The following ARHGEF12 variants were observed in gnomAD, a reference collection of about 807,000 sequenced individuals.
ARHGEF12 encodes Rho guanine nucleotide exchange factor 12.
A neutral mutation model predicts 211.2 loss-of-function variants in ARHGEF12; 66 were observed. The observed-to-expected ratio is 0.31, with a 90% CI of 0.26 to 0.38. The LOEUF is 0.38. Among genes scored for constraint, ARHGEF12 ranks in the 10% least tolerant of loss-of-function variants. The pLI is 1.00. For missense variants in ARHGEF12, 1,429 were observed against 1,869.5 expected (o/e 0.76, Z 4.34); for synonymous variants, 592 against 638.4 (o/e 0.93, Z 1.09).
At chr11:120,460,014 G>T (rs537318130) in intron 26 of ARHGEF12, among the ~76,000 whole-genome samples, 5 of 152,250 alleles carry the variant, frequency 3.3e-5, no homozygotes, top group African/African-American at 1.2e-4. Flanking sequence ...CCGGCCTCAG[G>T]AATTATTTTA....
intron 18 of ARHGEF12, 22 bp from the exon 19 acceptor site, chr11:120,447,852 A>T (rs566376): frequency 1.5e-5 from 23 of 1,500,550 alleles, no homozygotes; most frequent in East Asian, 2.4e-5. Flanking sequence ...TCATTTTTAA[A>T]TTTTTTTTTC....
rs1565417157 is a variant in ARHGEF12, at chr11:120,347,173, TTCCTTC to T, written c.32+9899_32+9904del. ...CTTCCTTCCTTCCTTCCTTCCTTCC[TTCCTTC>T]CTTCCTTTCTTTCTTTCTTTCTTTC... is the stretch of plus-strand genomic sequence containing the variant. On this transcript the variant is annotated intron_variant, in intron 1 of 40. Coordinates refer to ENST00000397843, the MANE Select transcript of ARHGEF12 (RefSeq NM_015313.3). Among the ~76,000 whole-genome samples the T allele has an allele frequency of 1.3e-3, 121 of 89,788 alleles. 4 individuals carry two copies. Among genetic ancestry groups the T allele is most frequent in the African/African-American group, 4.7e-3 (82 of 17,368 alleles). 58.9% of individuals were successfully genotyped at this position (89,788 alleles called of 152,430 possible). A position where few individuals can be genotyped will look rare whatever the true frequency, so the allele number is the denominator to read the frequency against.
intron 10 of ARHGEF12, among the ~76,000 whole-genome samples, chr11:120,431,123 C>T (rs1591582742): frequency 1.3e-5 from 2 of 152,014 alleles, no homozygotes; most frequent in Middle Eastern, 6.8e-3. Context: ...AACTCCGACT[C>T]TACTAAAAAT....
At chr11:120,443,064 C>G (rs541085810) in intron 15 of ARHGEF12, among the ~76,000 whole-genome samples, 1 of 150,076 alleles carries the variant, frequency 6.7e-6, no homozygotes, top group African/African-American at 2.5e-5. Flanking sequence ...CTCTGTTGCC[C>G]AGGCTGGAGC....
At chr11:120,354,959 A>G (rs1206561431) in intron 1 of ARHGEF12, among the ~76,000 whole-genome samples, 1 of 152,120 alleles carries the variant, frequency 6.6e-6, no homozygotes, top group Non-Finnish European at 1.5e-5. Flanking sequence ...CGTGGGGTAA[A>G]GGTCTGTTAG....
chr11:120,455,240 AC>A (rs1374721500), intron 22 of ARHGEF12, among the ~76,000 whole-genome samples: 10 of 152,058 alleles, frequency 6.6e-5, no homozygotes, highest in African/African-American at 2.4e-4. Context: ...GAAAAAGAAT[AC>A]CCATCTTCAG....
rs1165432429 is a variant in ARHGEF12 at position 120,449,188 on chromosome 11, G to A, written c.1817G>A (p.Arg606Lys). The change falls in exon 21 of 41, where the codon AGA (arginine) becomes AAA (lysine). Residue 606 changes from arginine (R) to lysine (K), a missense_variant. Transcript: ENST00000397843. ...GFPSILGPPR[R>K]PSRHDNSAIG... The stretch of plus-strand genomic sequence containing the variant: ...CCCAGCATCCTGGGACCCCCACGGA[G>A]ACCAAGCCGTCATGACAACAGTGCA... 1 of 1,614,156 alleles carries A rather than the reference G, an allele frequency of 6.2e-7. No individual in the cohort carries two copies. Among genetic ancestry groups the A allele is most frequent in the Admixed American group, 1.7e-5 (1 of 60,020 alleles).
At chr11:120,345,425 C>T (rs949912633) in intron 1 of ARHGEF12, among the ~76,000 whole-genome samples, 2 of 152,126 alleles carry the variant, frequency 1.3e-5, no homozygotes, top group African/African-American at 4.8e-5. Context: ...TATAACAGGC[C>T]GGGCGTAGTG....
intron 1 of ARHGEF12, chr11:120,385,623 T>A: frequency 2.3e-6 from 1 of 435,528 alleles, no homozygotes; most frequent in Non-Finnish European, 3.1e-6. Flanking sequence ...CATTGTTCAT[T>A]ATTATTTCTC....
intron 30 of ARHGEF12, among the ~76,000 whole-genome samples, chr11:120,472,515 A>G (rs1031918265): frequency 6.6e-6 from 1 of 152,208 alleles, no homozygotes; most frequent in African/African-American, 2.4e-5. Context: ...AGCTAATAAG[A>G]GACCAATGAC....
At chr11:120,387,861 TATAAC>T (rs1944087081) in intron 1 of ARHGEF12, among the ~76,000 whole-genome samples, 2 of 152,188 alleles carry the variant, frequency 1.3e-5, no homozygotes, top group Non-Finnish European at 1.5e-5. Flanking sequence ...TTTCGTAAGG[TATAAC>T]ATAACGTTTA....
rs938145134 is a variant in ARHGEF12, at chr11:120,475,401, G to A, written c.3171G>A (p.Leu1057=). 9 of 1,613,928 alleles carry A rather than the reference G, an allele frequency of 5.6e-6. No homozygotes were observed. Among genetic ancestry groups the A allele is most frequent in the Admixed American group, 5.0e-5 (3 of 60,002 alleles). ...LVLLQKQDDR[L]VLRCHSKILA... is the part of the protein sequence containing the mutation. ...TGTTACAAAAGCAGGATGATAGACT[G>A]GTTTTAAGGTGTCATAGTAAGATTC... Residue 1057 remains leucine, a synonymous_variant, in exon 33 of 41, where the codon CTG becomes CTA. Transcript: ENST00000397843.
intron 1 of ARHGEF12, among the ~76,000 whole-genome samples, chr11:120,359,073 T>G (rs1432977934): frequency 6.6e-6 from 1 of 152,118 alleles, no homozygotes; most frequent in Non-Finnish European, 1.5e-5. Context: ...TGAGTGATTT[T>G]AGCCAGAGAG....
chr11:120,387,808 A>C (rs536362809), intron 1 of ARHGEF12, among the ~76,000 whole-genome samples: 1 of 152,152 alleles, frequency 6.6e-6, no homozygotes, highest in Admixed American at 6.5e-5. Flanking sequence ...ATTTACAGTG[A>C]GTAGAAAATA....
intron 27 of ARHGEF12, chr11:120,464,788 A>C (rs989004253): frequency 5.1e-5 from 8 of 155,414 alleles, no homozygotes; most frequent in African/African-American, 1.9e-4. Flanking sequence ...TGGGCAGATC[A>C]CCTGAGGTCA....
intron 37 of ARHGEF12, 44 bp downstream of exon 37, chr11:120,478,433 A>T: frequency 6.7e-7 from 1 of 1,499,370 alleles, no homozygotes; most frequent in African/African-American, 1.4e-5. Flanking sequence ...ACTAAGTATG[A>T]CACTCATGTG....
At chr11:120,385,732 TTTAG>T (rs1488866078) in intron 1 of ARHGEF12, among the ~76,000 whole-genome samples, 3 of 152,244 alleles carry the variant, frequency 2.0e-5, no homozygotes, top group Non-Finnish European at 4.4e-5. Context: ...ATTGCTTAGC[TTTAG>T]AACAAAGGTT....
At chr11:120,386,490 C>T (rs1944033197) in intron 1 of ARHGEF12, among the ~76,000 whole-genome samples, 1 of 152,096 alleles carries the variant, frequency 6.6e-6, no homozygotes, top group South Asian at 2.1e-4. Flanking sequence ...TATGAGTTAT[C>T]ATACTGTTTG....
chr11:120,411,255 G>A (rs1007865670), intron 4 of ARHGEF12: 4 of 152,246 alleles, frequency 2.6e-5, no homozygotes, highest in East Asian at 1.9e-4. Flanking sequence ...AGCACTCATC[G>A]GAGGGATGAG....
Sources: allele counts gnomAD v4.1 joint callset (sites outside exome capture counted in the v4.1 genomes callset), GRCh38; gene constraint gnomAD v4.1.1; transcripts MANE v1.5; gene names NCBI Gene and HGNC (gene_info 2026-07-23, HGNC 2026-07-21).